Variants in DMBT1 observed in about 807,000 individuals in gnomAD.
DMBT1 encodes deleted in malignant brain tumors 1.
In DMBT1, 198 loss-of-function variants were observed where a neutral mutation model predicts 252.9. The observed-to-expected ratio is 0.78, with a 90% CI of 0.70 to 0.88. The LOEUF is 0.88. Ranked by LOEUF, DMBT1 falls within the 40% of genes least tolerant of loss-of-function variation. The probability of loss-of-function intolerance (pLI) is 0.00; values close to 1 mark genes in which losing one functional copy is unlikely to be tolerated. For synonymous variants in DMBT1, 990 were observed against 942.7 expected (o/e 1.05, Z -0.92); for missense variants, 2,432 against 2,404.7 (o/e 1.01, Z -0.24).
intron 50 of DMBT1, 86 bp from the exon 51 acceptor site, chr10:122,632,775 C>CA (rs2098176188): frequency 1.3e-6 from 2 of 1,554,546 alleles, no homozygotes; most frequent in Non-Finnish European, 1.8e-6. Context: ...TCAGGCTTGG[C>CA]ACAGCATCTG....
At chr10:122,573,857 G>A (rs780641214) in intron 6 of DMBT1, 95 bp downstream of exon 6, 75 of 1,502,576 alleles carry the variant, frequency 5.0e-5, no homozygotes, top group Non-Finnish European at 5.9e-5. Context: ...GGCATAGAAA[G>A]TAGGGTGCTT....
At position 122,568,019 on chromosome 10, in the gene DMBT1, C is replaced by T. The variant is rs118062686; in HGVS notation, c.91+2023C>T. Among the ~76,000 whole-genome samples, 842 of 152,148 alleles carry T rather than the reference C, an allele frequency of 5.5e-3. 49 individuals are homozygous for T. In the East Asian group the frequency reaches 0.13, roughly 24 times the overall value. ...GATTGAATCAATGAATGTGGATGGA[C>T]TAGAGAAAGGAAGAGCAGACACTGA... On this transcript the variant is annotated intron_variant, in intron 2 of 55. Transcript: ENST00000338354.
Position 122,618,319 on chromosome 10 carries a change from G to A in DMBT1, c.5194G>A (p.Asp1732Asn). Reference sequence around the variant, plus strand: ...CTCCCACAACTGTGGCCATCATGAAGATGCTGGTGTCATCTGCTCAGGTGG... The same window carrying A: ...CTCCCACAACTGTGGCCATCATGAAAATGCTGGTGTCATCTGCTCAGGTGG... Reference protein sequence around the residue: ...WLSHNCGHHEDAGVICSAAQS... With the variant: ...WLSHNCGHHENAGVICSAAQS... The change falls in exon 41 of 56, where the codon GAT (aspartate) becomes AAT (asparagine). Residue 1732 changes from aspartate to asparagine, a missense_variant. By Grantham distance (23) the Asp-to-Asn change is conservative (BLOSUM62 1). Around this residue, in one of 3 missense-constraint regions of DMBT1, gnomAD observed 1,162 missense variants for 1,169.0 expected, o/e 0.99. Transcript: ENST00000338354. The A allele has an allele frequency of 6.2e-7, 1 of 1,613,880 alleles. No individual in the cohort carries two copies. Among genetic ancestry groups the A allele is most frequent in the Non-Finnish European group, 8.5e-7 (1 of 1,179,786 alleles).
intron 8 of DMBT1, among the ~76,000 whole-genome samples, chr10:122,578,217 A>AC (rs2097730093): frequency 6.6e-6 from 1 of 151,874 alleles, no homozygotes; most frequent in African/African-American, 2.4e-5. Flanking sequence ...CAGGCTTGAT[A>AC]CCCCCATCTC....
In DMBT1 at chr10:122,617,410, C is replaced by T. The variant is rs566400135; in HGVS notation, c.4891+150C>T. 1.4e-4 allele frequency: 143 copies of T among 1,033,152 alleles called. No homozygotes were observed. The African/African-American group carries it at 1.8e-3, about 13-fold the overall frequency. 64.0% of individuals were successfully genotyped at this position (1,033,152 alleles called of 1,614,324 possible). A position where few individuals can be genotyped will look rare whatever the true frequency, so the allele number is the denominator to read the frequency against. On this transcript the variant is annotated intron_variant, in intron 40 of 55. Transcript: ENST00000338354. ...GAAGGTGGAGTTTCTAGGGAGTCAG[C>T]CCTGGGTTTGATGTTTGAGGATGGA...
Position 122,592,301 on chromosome 10 carries a change from G to A in DMBT1, c.2206G>A (p.Val736Met). The change falls in exon 20 of 56, where the codon GTG becomes ATG. Residue 736 changes from valine to methionine, a missense_variant. Val to Met is a conservative substitution (Grantham distance 21, BLOSUM62 1). Coordinates refer to ENST00000338354, the MANE Select transcript of DMBT1 (RefSeq NM_001377530.1). The stretch of plus-strand genomic sequence containing the variant: ...TGAATCCAGTTTGACCCTGAGGCTG[G>A]TGAATGGAAGTGACAGGTGTCAGGG... ...GSESSLTLRLVNGSDRCQGRV... is the reference protein window; with the variant it reads ...GSESSLTLRLMNGSDRCQGRV... 3 of 1,587,582 alleles carry A rather than the reference G, an allele frequency of 1.9e-6. No homozygotes were observed.
At chr10:122,567,497 G>A (rs577512296) in intron 2 of DMBT1, among the ~76,000 whole-genome samples, 3 of 152,206 alleles carry the variant, frequency 2.0e-5, no homozygotes, top group African/African-American at 7.2e-5. Flanking sequence ...CCTCCCTCTG[G>A]GAGGAAAAGC....
chr10:122,561,584 CTT>C (rs59835045), intron 1 of DMBT1, among the ~76,000 whole-genome samples: 1 of 151,438 alleles, frequency 6.6e-6, no homozygotes, highest in African/African-American at 2.4e-5. Context: ...CTCTCTCTCT[CTT>C]TCTCTCTTAT....
chr10:122,633,129 C>T (rs768248383), intron 51 of DMBT1, 62 bp from the exon 52 acceptor site: 136 of 1,562,432 alleles, frequency 8.7e-5, no homozygotes, highest in Middle Eastern at 7.0e-4. Context: ...TAAAGTAGTC[C>T]GCAGGTAGAC....
chr10:122,620,239 G>T lies in DMBT1; in HGVS notation c.5246-14G>T. The T allele has an allele frequency of 6.2e-7, 1 of 1,613,808 alleles. No homozygotes were observed. On this transcript the variant is annotated splice_polypyrimidine_tract_variant and intron_variant, in intron 42 of 55. Transcript: ENST00000338354. ...AAGTCTAATTTTGTCCTTTCTCTTTGTTGCAATTTACAGATACTTGGCTGA... is the reference window on the plus strand; with the variant it reads ...AAGTCTAATTTTGTCCTTTCTCTTTTTTGCAATTTACAGATACTTGGCTGA...
intron 2 of DMBT1, among the ~76,000 whole-genome samples, chr10:122,568,402 C>A (rs1190632859): frequency 6.6e-6 from 1 of 151,832 alleles, no homozygotes; most frequent in East Asian, 1.9e-4. Flanking sequence ...ATGAGGTTCT[C>A]CAGGGGGAAA....
chr10:122,592,648 A>T, intron 20 of DMBT1, 53 bp downstream of exon 20: 2 of 1,583,840 alleles, frequency 1.3e-6, no homozygotes, highest in Non-Finnish European at 1.7e-6. Flanking sequence ...TTGCTCAGGA[A>T]GAAAATCCTA....
intron 2 of DMBT1, among the ~76,000 whole-genome samples, chr10:122,569,099 A>C (rs2097634937): frequency 6.6e-6 from 1 of 151,532 alleles, no homozygotes; most frequent in Admixed American, 6.6e-5. Context: ...ATCATCGGCC[A>C]GTCCTTCTAA....
At chr10:122,568,421 T>A (rs1295079106) in intron 2 of DMBT1, among the ~76,000 whole-genome samples, 1 of 151,978 alleles carries the variant, frequency 6.6e-6, no homozygotes, top group Non-Finnish European at 1.5e-5. Flanking sequence ...AAATACAGAA[T>A]GAGAAGAGGG....
rs1304789835 is a variant in DMBT1, at chr10:122,598,882, G to T, written c.3065G>T (p.Trp1022Leu). Residue 1022 changes from tryptophan to leucine, a missense_variant, in exon 26 of 56, where the codon TGG becomes TTG. Trp to Leu is a moderately conservative substitution (Grantham distance 61, BLOSUM62 -2). Transcript: ENST00000338354. ...GSWGTVCDDS[W>L]DTNDANVVCR... ...TGGGGCACCGTGTGCGATGACAGCTGGGACACCAATGATGCCAATGTCGTC... is the reference window on the plus strand; with the variant it reads ...TGGGGCACCGTGTGCGATGACAGCTTGGACACCAATGATGCCAATGTCGTC... 6.2e-7 allele frequency: 1 copy of T among 1,613,730 alleles called. No homozygotes were observed. The highest frequency in any genetic ancestry group is 8.5e-7 in the Non-Finnish European group (1 of 1,179,796).
rs376015834 is a variant in DMBT1, at chr10:122,586,272, C to T, written c.1672C>T (p.Leu558=). The T allele has an allele frequency of 6.3e-7, 1 of 1,588,752 alleles. No individual in the cohort carries two copies. The highest frequency in any genetic ancestry group is 1.7e-4 in the Middle Eastern group (1 of 6,008). The part of the protein sequence containing the change: ...RFGQGSGPIV[L]DDVRCSGNES... ...TGGTCAGGGCTCAGGACCCATTGTC[C>T]TGGATGACGTGCGCTGCTCAGGGAA... Residue 558 remains leucine (L), a synonymous_variant, in exon 16 of 56, where the codon CTG becomes TTG. Coordinates refer to ENST00000338354, the MANE Select transcript of DMBT1 (RefSeq NM_001377530.1).
chr10:122,631,408 C>A (rs941173884), intron 49 of DMBT1, 127 bp downstream of exon 49: 14 of 1,222,406 alleles, frequency 1.1e-5, no homozygotes, highest in African/African-American at 1.5e-5. Flanking sequence ...GTGGCCTGCG[C>A]ACTCCAGAAG....
chr10:122,618,485 T>C, intron 41 of DMBT1, 145 bp downstream of exon 41: 1 of 1,471,516 alleles, frequency 6.8e-7, no homozygotes, highest in South Asian at 1.4e-5. Context: ...GCTAAGAATC[T>C]TTATGAATTT....
At chr10:122,625,840 A>T in intron 45 of DMBT1, 93 bp from the exon 46 acceptor site, 1 of 1,078,304 alleles carries the variant, frequency 9.3e-7, no homozygotes, top group Non-Finnish European at 1.4e-6. Flanking sequence ...TCCTGTACTA[A>T]GGAAAAGGAT....
Sources: gnomAD v4.1 joint callset for allele counts (sites outside exome capture counted in the v4.1 genomes callset) on GRCh38, gnomAD v4.1.1 for gene constraint, gnomAD v4.1.1 regional missense constraint, MANE v1.5 for transcripts, NCBI Gene and HGNC (gene_info 2026-07-23, HGNC 2026-07-21) for gene names.